Variants in SLC35F1 observed in about 807,000 individuals in gnomAD.
SLC35F1 encodes the protein solute carrier family 35 member F1, also known as chromosome 6 open reading frame 169.
In SLC35F1, 14 loss-of-function variants were observed where a neutral mutation model predicts 48.7. The observed-to-expected ratio is 0.29, with a 90% CI of 0.19 to 0.45. SLC35F1 has a LOEUF of 0.45. Ranked by LOEUF, SLC35F1 falls within the 20% of genes least tolerant of loss-of-function variation. The pLI, the probability that SLC35F1 is intolerant of heterozygous loss-of-function variation, is 1.00. For synonymous variants in SLC35F1, 190 were observed against 202.2 expected, an observed-to-expected ratio of 0.94 and a Z score of 0.51; for missense variants, 404 against 500.0, an observed-to-expected ratio of 0.81 and a Z score of 1.83.
In SLC35F1 at chr6:118,315,519, A is replaced by C. The variant is rs1776422792; in HGVS notation, c.*1267A>C. ...CGGTGGCACGATCTCAGCTCACTGC[A>C]ACCTCCGCCTCCGGGATTCACACCA... On this transcript the variant is annotated 3_prime_UTR_variant, in exon 8 of 8. Coordinates refer to ENST00000360388, the MANE Select transcript of SLC35F1 (RefSeq NM_001029858.4). 6.9e-6 allele frequency: 1 copy of C among 145,518 alleles called. No individual in the cohort carries two copies. The highest frequency in any genetic ancestry group is 1.5e-5 in the Non-Finnish European group (1 of 67,270). 9.0% of individuals were successfully genotyped at this position (145,518 alleles called of 1,614,324 possible). A position where few individuals can be genotyped will look rare whatever the true frequency, so the allele number is the denominator to read the frequency against.
intron 1 of SLC35F1, among the ~76,000 whole-genome samples, chr6:118,125,240 A>G (rs1454421267): frequency 1.3e-5 from 2 of 152,188 alleles, no homozygotes; most frequent in African/African-American, 2.4e-5. Context: ...CTCCTATACT[A>G]GCTAAAATCT....
intron 1 of SLC35F1, among the ~76,000 whole-genome samples, chr6:117,984,097 G>T (rs1270971099): frequency 6.6e-6 from 1 of 152,066 alleles, no homozygotes; most frequent in East Asian, 1.9e-4. Flanking sequence ...TTATATATTT[G>T]ATAGTAACAC....
intron 2 of SLC35F1, among the ~76,000 whole-genome samples, chr6:118,186,347 G>T (rs1774656723): frequency 6.6e-6 from 1 of 152,024 alleles, no homozygotes; most frequent in Non-Finnish European, 1.5e-5. Flanking sequence ...GTAAAAGAAA[G>T]ATAATAGCGC....
At chr6:118,098,194 C>T (rs1294467718) in intron 1 of SLC35F1, among the ~76,000 whole-genome samples, 1 of 152,186 alleles carries the variant, frequency 6.6e-6, no homozygotes, top group Non-Finnish European at 1.5e-5. Flanking sequence ...TACATGCCTA[C>T]TTTTGATTTT....
intron 3 of SLC35F1, among the ~76,000 whole-genome samples, chr6:118,238,631 T>C (rs529754672): frequency 6.6e-6 from 1 of 152,200 alleles, no homozygotes; most frequent in Admixed American, 6.5e-5. Flanking sequence ...GCTCCTCTCA[T>C]GGTCATGAGA....
At chr6:117,920,211 G>A (rs1245578142) in intron 1 of SLC35F1, among the ~76,000 whole-genome samples, 8 of 152,200 alleles carry the variant, frequency 5.3e-5, no homozygotes, top group African/African-American at 1.9e-4. Flanking sequence ...GCGGGTGGAC[G>A]GGGAGGGCGT....
Position 118,275,576 on chromosome 6 carries a change from T to C in SLC35F1, c.755T>C (p.Met252Thr), listed in dbSNP as rs754626543. 1 of 1,613,906 alleles carries C rather than the reference T, an allele frequency of 6.2e-7. No homozygotes were observed. Among genetic ancestry groups the C allele is most frequent in the East Asian group, 2.2e-5 (1 of 44,820 alleles). ...RTLSRVEFLG[M>T]IGLFGAFFSG... ...CTGAGCCGAGTGGAATTCCTGGGAA[T>C]GATTGGTCTCTTTGGAGCATTTTTC... Residue 252 changes from methionine to threonine, a missense_variant, in exon 5 of 8, where the codon ATG becomes ACG. Met to Thr is a moderately conservative substitution (Grantham distance 81). Transcript: ENST00000360388.
chr6:118,088,456 T>G (rs181087175), intron 1 of SLC35F1, among the ~76,000 whole-genome samples: 24 of 152,248 alleles, frequency 1.6e-4, no homozygotes, highest in African/African-American at 5.3e-4. Flanking sequence ...TTGAAAGAAT[T>G]ATTGAGTCTA....
intron 2 of SLC35F1, 132 bp from the exon 3 acceptor site, chr6:118,235,377 T>C (rs751328983): frequency 1.1e-6 from 1 of 915,500 alleles, no homozygotes; most frequent in Non-Finnish European, 1.6e-6. Flanking sequence ...GATACGTTGA[T>C]TTATTTGTTT....
chr6:117,999,568 G>A (rs1313859610), intron 1 of SLC35F1: 136 of 430,832 alleles, frequency 3.2e-4, no homozygotes, highest in South Asian at 1.1e-3. Context: ...CCTGAGGCAG[G>A]AAAAAAAAAA....
At chr6:118,204,183 C>T (rs1038183141) in intron 2 of SLC35F1, among the ~76,000 whole-genome samples, 3 of 151,426 alleles carry the variant, frequency 2.0e-5, no homozygotes, top group African/African-American at 4.9e-5. Flanking sequence ...GGAGCCCAGC[C>T]CAGCCAAGGG....
intron 2 of SLC35F1, among the ~76,000 whole-genome samples, chr6:118,166,794 T>A (rs2114488649): frequency 6.6e-6 from 1 of 152,282 alleles, no homozygotes; most frequent in Admixed American, 6.5e-5. Flanking sequence ...AAAAGGAAAG[T>A]CATTGGTGAA....
At chr6:118,243,853 G>A (rs1008662916) in intron 3 of SLC35F1, among the ~76,000 whole-genome samples, 4 of 152,152 alleles carry the variant, frequency 2.6e-5, no homozygotes, top group Admixed American at 2.6e-4. Context: ...ACCTGTCCCT[G>A]ATGCAGGACT....
At chr6:118,276,197 G>A (rs1019509833) in intron 5 of SLC35F1, among the ~76,000 whole-genome samples, 1 of 152,094 alleles carries the variant, frequency 6.6e-6, no homozygotes, top group Non-Finnish European at 1.5e-5. Flanking sequence ...TTCTACAACT[G>A]GAACGTATAA....
intron 1 of SLC35F1, among the ~76,000 whole-genome samples, chr6:118,071,985 T>G (rs537294457): frequency 1.5e-4 from 23 of 152,326 alleles, no homozygotes; most frequent in African/African-American, 5.5e-4. Context: ...CCGGAATATT[T>G]TTCTATATTA....
intron 1 of SLC35F1, among the ~76,000 whole-genome samples, chr6:117,911,514 C>T (rs1041369016): frequency 2.6e-5 from 4 of 151,018 alleles, no homozygotes; most frequent in African/African-American, 9.8e-5. Context: ...CAACTTATTG[C>T]AGCCTTGACT....
chr6:117,984,451 A>G (rs1776822699), intron 1 of SLC35F1, among the ~76,000 whole-genome samples: 1 of 147,756 alleles, frequency 6.8e-6, no homozygotes, highest in South Asian at 2.2e-4. Context: ...GTGAGCCGAG[A>G]TTGCGCCACT....
Position 118,154,452 on chromosome 6 carries a change from T to C in SLC35F1, c.181T>C (p.Leu61=). ...RIRKVLNREM[L]ISVALGQVLS... Reference sequence around the variant, plus strand: ...TTTTCCTTTATTTCTCAGGGAGATGTTAATCTCTGTGGCCCTAGGCCAGGT... The same window carrying C: ...TTTTCCTTTATTTCTCAGGGAGATGCTAATCTCTGTGGCCCTAGGCCAGGT... The change falls in exon 2 of 8, where the codon TTA becomes CTA. Residue 61 remains leucine (L), a synonymous_variant. Transcript: ENST00000360388. 5 of 1,605,236 alleles carry C rather than the reference T, an allele frequency of 3.1e-6. No individual in the cohort carries two copies. The highest frequency in any genetic ancestry group is 4.3e-6 in the Non-Finnish European group (5 of 1,175,448).
At chr6:118,306,296 T>C (rs1562357378) in intron 7 of SLC35F1, among the ~76,000 whole-genome samples, 1 of 152,210 alleles carries the variant, frequency 6.6e-6, no homozygotes, top group Non-Finnish European at 1.5e-5. Flanking sequence ...ACAGGAAGCA[T>C]AAATTTTGCT....
Sources: allele counts gnomAD v4.1 joint callset (sites outside exome capture counted in the v4.1 genomes callset), GRCh38; gene constraint gnomAD v4.1.1; transcripts MANE v1.5; gene names NCBI Gene and HGNC (gene_info 2026-07-23, HGNC 2026-07-21).